Variants in NLGN4X observed in about 807,000 individuals in gnomAD.
NLGN4X encodes the protein neuroligin 4 X-linked, also known as neuroligin-4, X-linked.
In NLGN4X, 3 loss-of-function variants were observed where a neutral mutation model predicts 40.3. That is an observed-to-expected ratio of 0.07 (90% CI 0.03 to 0.19). The LOEUF (loss-of-function observed/expected upper bound fraction) is 0.19, where lower values mean the gene tolerates loss of function less well. NLGN4X is among the 10% of genes least tolerant of loss of function. NLGN4X has a pLI of 1.00. For synonymous variants in NLGN4X, 270 were observed against 306.8 expected, an observed-to-expected ratio of 0.88 and a Z score of 1.25; for missense variants, 382 against 708.3, an observed-to-expected ratio of 0.54 and a Z score of 5.23.
At chrX:6,132,188 G>C (rs1042140202) in intron 2 of NLGN4X, among the ~76,000 whole-genome samples, 1 of 111,531 alleles carries the variant, frequency 9.0e-6, no homozygotes, top group Non-Finnish European at 1.9e-5. Flanking sequence ...GTGGGCATTT[G>C]GGGGCTGGAT....
At chrX:6,110,092 T>C (rs1229943737) in intron 2 of NLGN4X, among the ~76,000 whole-genome samples, 1 of 111,905 alleles carries the variant, frequency 8.9e-6, no homozygotes, top group Non-Finnish European at 1.9e-5. Flanking sequence ...TCCTTTCTCT[T>C]CTGCCAAGCC....
chrX:6,031,787 T>TA (rs36065341), intron 2 of NLGN4X, among the ~76,000 whole-genome samples: 5,572 of 98,842 alleles, frequency 0.056, 360 homozygotes, highest in African/African-American at 0.18. Context: ...TTCTCCTCTT[T>TA]AAAAAAAAAA....
At chrX:6,159,999 G>A (rs927069519) in intron 1 of NLGN4X, among the ~76,000 whole-genome samples, 1 of 111,055 alleles carries the variant, frequency 9.0e-6, no homozygotes, top group Non-Finnish European at 1.9e-5. Flanking sequence ...ACCAGAGGCT[G>A]GGAAGGGTAA....
intron 3 of NLGN4X, among the ~76,000 whole-genome samples, chrX:6,015,032 C>T (rs2036357848): frequency 8.9e-6 from 1 of 111,907 alleles, no homozygotes; most frequent in Non-Finnish European, 1.9e-5. Flanking sequence ...TCCATAACCA[C>T]CTTAGTCAAA....
intron 1 of NLGN4X, chrX:6,187,724 A>AT (rs1395967545): frequency 8.9e-6 from 1 of 112,108 alleles, no homozygotes; most frequent in Non-Finnish European, 1.9e-5. Flanking sequence ...TCGCTCCAAC[A>AT]TGTCCCTCTT....
At chrX:6,224,929 G>T in intron 1 of NLGN4X, among the ~76,000 whole-genome samples, 1 of 94,608 alleles carries the variant, frequency 1.1e-5, no homozygotes, top group Non-Finnish European at 2.1e-5. Context: ...GCTACAACTG[G>T]CCCTGATTAT....
intron 3 of NLGN4X, among the ~76,000 whole-genome samples, chrX:5,999,924 T>C (rs1243139153): frequency 1.8e-5 from 2 of 112,392 alleles, no homozygotes; most frequent in African/African-American, 3.2e-5. Context: ...CCTAAGCCCT[T>C]TGTTCTAGGA....
At chrX:5,992,629 G>T (rs1960712206) in intron 3 of NLGN4X, among the ~76,000 whole-genome samples, 2 of 111,193 alleles carry the variant, frequency 1.8e-5, no homozygotes, top group Admixed American at 1.9e-4. Flanking sequence ...AAGAAAAGAG[G>T]TTTATTTGGC....
At chrX:6,160,877 A>G (rs907874794) in intron 1 of NLGN4X, among the ~76,000 whole-genome samples, 29 of 96,810 alleles carry the variant, frequency 3.0e-4, no homozygotes, top group Admixed American at 5.7e-4. Context: ...CCTGCTATAT[A>G]TAGAGAGAGA....
intron 1 of NLGN4X, among the ~76,000 whole-genome samples, chrX:6,208,384 A>G (rs1924227836): frequency 8.9e-6 from 1 of 111,982 alleles, no homozygotes; most frequent in African/African-American, 3.2e-5. Context: ...AATCAATGCC[A>G]CCTCCTTTCG....
intron 4 of NLGN4X, among the ~76,000 whole-genome samples, chrX:5,905,191 T>G (rs1480531278): frequency 8.9e-6 from 1 of 111,831 alleles, no homozygotes. Flanking sequence ...TTCTCATAAG[T>G]ACTGGCAATA....
chrX:6,227,829 GA>G, intron 1 of NLGN4X: 2 of 109,393 alleles, frequency 1.8e-5, no homozygotes, highest in South Asian at 4.1e-4. Context: ...ATGAAGGAGG[GA>G]AAAAAAATCG....
At chrX:5,968,997 C>G (rs952507553) in intron 3 of NLGN4X, among the ~76,000 whole-genome samples, 1 of 111,598 alleles carries the variant, frequency 9.0e-6, no homozygotes, top group Non-Finnish European at 1.9e-5. Context: ...GTCTCAACTT[C>G]CTTACACCTT....
intron 3 of NLGN4X, among the ~76,000 whole-genome samples, chrX:5,939,362 A>AAC (rs768319351): frequency 9.0e-6 from 1 of 110,966 alleles, no homozygotes. Context: ...AGATGGGGCA[A>AAC]ACACACACAC....
intron 1 of NLGN4X, among the ~76,000 whole-genome samples, chrX:6,156,248 G>A (rs1421375017): frequency 3.6e-5 from 4 of 112,206 alleles, no homozygotes; most frequent in Admixed American, 9.4e-5. Context: ...GGTGGCTCAC[G>A]CCTGTAATCC....
intron 2 of NLGN4X, among the ~76,000 whole-genome samples, chrX:6,135,665 T>C (rs1263637956): frequency 1.8e-5 from 2 of 111,480 alleles, no homozygotes; most frequent in African/African-American, 6.5e-5. Context: ...AGACATTGGT[T>C]GGCATGCAAC....
intron 3 of NLGN4X, among the ~76,000 whole-genome samples, chrX:5,942,284 A>G (rs113101732): frequency 1.1e-4 from 12 of 110,987 alleles, no homozygotes; most frequent in African/African-American, 3.6e-4. Flanking sequence ...AAAAATAAAA[A>G]TAAAAATAGA....
chrX:6,181,290 T>C (rs376269074), intron 1 of NLGN4X, among the ~76,000 whole-genome samples: 17 of 111,612 alleles, frequency 1.5e-4, no homozygotes, highest in African/African-American at 5.5e-4. Context: ...ACACAGACGC[T>C]CATACCACGG....
chrX:6,099,272 G>C (rs2038853552), intron 2 of NLGN4X, among the ~76,000 whole-genome samples: 1 of 112,445 alleles, frequency 8.9e-6, no homozygotes, highest in African/African-American at 3.2e-5. Flanking sequence ...ACAGGTTAAT[G>C]TCAGGTCTGG....
Sources: gnomAD v4.1 joint callset for allele counts (sites outside exome capture counted in the v4.1 genomes callset) on GRCh38, gnomAD v4.1.1 for gene constraint, MANE v1.5 for transcripts, NCBI Gene and HGNC (gene_info 2026-07-23, HGNC 2026-07-21) for gene names.